MEF2C: variants seen among roughly 807,000 people sequenced by gnomAD.
MEF2C encodes the protein myocyte enhancer factor 2C.
MEF2C carries 6 observed loss-of-function variants against 50.5 expected under a neutral mutation model. The ratio of observed to expected loss-of-function variants is 0.12; its 90% confidence interval spans 0.07 to 0.23. MEF2C has a LOEUF of 0.23. Ranked by LOEUF, MEF2C falls within the 10% of genes least tolerant of loss-of-function variation. MEF2C has a pLI of 1.00. For synonymous variants in MEF2C, 183 were observed against 228.0 expected, an observed-to-expected ratio of 0.80 and a Z score of 1.78; for missense variants, 276 against 605.0, an observed-to-expected ratio of 0.46 and a Z score of 5.70.
At chr5:88,761,024 T>C (rs756607827) in intron 4 of MEF2C, 161 bp downstream of exon 4, 1 of 1,611,326 alleles carries the variant, frequency 6.2e-7, no homozygotes, top group Non-Finnish European at 8.5e-7. Flanking sequence ...TATCAAATTC[T>C]TCATTAATTT....
rs1756426000 is a variant in MEF2C at position 88,721,792 on chromosome 5, G to A, written c.*812C>T. Reference sequence around the variant, plus strand: ...AAAAAGTCCTTTTTGGTTTTTTACAGGACTGTTTAAAATATTAGCGAAGCT... The same window carrying A: ...AAAAAGTCCTTTTTGGTTTTTTACAAGACTGTTTAAAATATTAGCGAAGCT... On this transcript the variant is annotated 3_prime_UTR_variant, in exon 11 of 11. Coordinates refer to ENST00000504921, the MANE Select transcript of MEF2C (RefSeq NM_002397.5). 6.6e-6 allele frequency: 1 copy of A among 152,452 alleles called. No homozygotes were observed. The highest frequency in any genetic ancestry group is 1.5e-5 in the Non-Finnish European group (1 of 68,010). The allele number at this position is 152,452 out of a possible 1,614,324, so 9.4% of individuals were successfully genotyped here. A position where few individuals can be genotyped will look rare whatever the true frequency, so the allele number is the denominator to read the frequency against.
chr5:88,761,655 A>G (rs1580263769), intron 3 of MEF2C: 1 of 214,394 alleles, frequency 4.7e-6, no homozygotes, highest in East Asian at 1.2e-4. Flanking sequence ...AAGGTGGCAA[A>G]TTGCAACACT....
intron 3 of MEF2C, among the ~76,000 whole-genome samples, chr5:88,788,110 C>A (rs1254202531): frequency 3.3e-5 from 5 of 152,212 alleles, no homozygotes; most frequent in Admixed American, 6.5e-5. Context: ...TAGCCAGGTG[C>A]AACCTCTCCA....
chr5:88,834,187 A>G (rs1217969367), intron 1 of MEF2C, among the ~76,000 whole-genome samples: 2 of 152,104 alleles, frequency 1.3e-5, no homozygotes, highest in African/African-American at 4.8e-5. Context: ...AATGAGATTA[A>G]GGCACACACA....
intron 6 of MEF2C, chr5:88,734,362 T>C (rs971172633): frequency 2.0e-6 from 2 of 985,174 alleles, no homozygotes; most frequent in Non-Finnish European, 2.4e-6. Flanking sequence ...GAAAAAAGTC[T>C]GTTAAGCAGT....
At chr5:88,812,673 T>C (rs1803404312) in intron 2 of MEF2C, among the ~76,000 whole-genome samples, 1 of 152,154 alleles carries the variant, frequency 6.6e-6, no homozygotes, top group Admixed American at 6.6e-5. Flanking sequence ...CTCTTTGAAC[T>C]TATTCTTTAG....
In MEF2C at chr5:88,758,542, A is replaced by T. The variant is rs966684825; in HGVS notation, c.402+2643T>A. 2.0e-5 allele frequency among the ~76,000 whole-genome samples: 3 copies of T among 152,314 alleles called. No individual in the cohort carries two copies. The South Asian group carries it at 6.2e-4, about 32-fold the overall frequency. On this transcript the variant is annotated intron_variant, in intron 4 of 10. Transcript: ENST00000504921. ...GAAACTCTTCAAACTGGGTCTTCGA[A>T]ATAGAAAAACAGTCTTGTAATGTTT...
At chr5:88,741,197 A>G (rs1462856089) in intron 6 of MEF2C, 1 of 985,304 alleles carries the variant, frequency 1.0e-6, no homozygotes, top group African/African-American at 1.7e-5. Flanking sequence ...CATTTCATAA[A>G]TACTACTGGA....
At chr5:88,737,596 T>A (rs1362076092) in intron 6 of MEF2C, 1 of 985,240 alleles carries the variant, frequency 1.0e-6, no homozygotes, top group Non-Finnish European at 1.2e-6. Context: ...CTGCATGGTA[T>A]CCTAGGGAAA....
At chr5:88,811,216 T>A (rs1390237066) in intron 2 of MEF2C, among the ~76,000 whole-genome samples, 1 of 152,138 alleles carries the variant, frequency 6.6e-6, no homozygotes, top group African/African-American at 2.4e-5. Flanking sequence ...ATTGAAAGAA[T>A]CTGGAATGTA....
intron 1 of MEF2C, among the ~76,000 whole-genome samples, chr5:88,900,508 A>G (rs1236731804): frequency 6.6e-6 from 1 of 151,830 alleles, no homozygotes. Context: ...GCTATTTCAT[A>G]TACATTCATA....
intron 1 of MEF2C, among the ~76,000 whole-genome samples, chr5:88,834,395 A>G (rs932517085): frequency 1.3e-5 from 2 of 152,170 alleles, no homozygotes; most frequent in African/African-American, 2.4e-5. Flanking sequence ...ACAGATATCA[A>G]TGACAAAATT....
At chr5:88,852,652 C>T (rs1264466446) in intron 1 of MEF2C, among the ~76,000 whole-genome samples, 3 of 152,186 alleles carry the variant, frequency 2.0e-5, no homozygotes, top group Admixed American at 6.5e-5. Context: ...TGGCAGATAA[C>T]CTGAGGTCAG....
intron 6 of MEF2C, chr5:88,738,580 C>T: frequency 8.2e-6 from 8 of 979,470 alleles, no homozygotes; most frequent in Non-Finnish European, 9.7e-6. Flanking sequence ...GTCCAGAGTC[C>T]ATGCCCTGAA....
chr5:88,847,340 A>T (rs1819690319), intron 1 of MEF2C, among the ~76,000 whole-genome samples: 1 of 152,214 alleles, frequency 6.6e-6, no homozygotes, highest in Non-Finnish European at 1.5e-5. Context: ...CTCGTAGGAG[A>T]CATCTCTATT....
chr5:88,844,895 A>G (rs1818753131), intron 1 of MEF2C, among the ~76,000 whole-genome samples: 1 of 152,210 alleles, frequency 6.6e-6, no homozygotes, highest in African/African-American at 2.4e-5. Flanking sequence ...TAAAGGTTAA[A>G]TTTATAGAGG....
At chr5:88,848,197 G>A (rs1199472231) in intron 1 of MEF2C, among the ~76,000 whole-genome samples, 2 of 152,128 alleles carry the variant, frequency 1.3e-5, no homozygotes, top group Admixed American at 1.3e-4. Context: ...CAAAGGTAAA[G>A]AGCAGAAAGA....
intron 6 of MEF2C, chr5:88,732,964 G>T: frequency 2.3e-6 from 1 of 443,986 alleles, no homozygotes; most frequent in Non-Finnish European, 3.0e-6. Context: ...GAGTGAGATT[G>T]TGTGCTACCC....
At chr5:88,779,207 C>T (rs1250219213) in intron 3 of MEF2C, among the ~76,000 whole-genome samples, 1 of 152,132 alleles carries the variant, frequency 6.6e-6, no homozygotes, top group Non-Finnish European at 1.5e-5. Context: ...ACAGCCATCA[C>T]CATCATTCTG....
Sources: allele counts gnomAD v4.1 joint callset (sites outside exome capture counted in the v4.1 genomes callset), GRCh38; gene constraint gnomAD v4.1.1; transcripts MANE v1.5; gene names NCBI Gene and HGNC (gene_info 2026-07-23, HGNC 2026-07-21).